The following PSD3 variants were observed in gnomAD, a reference collection of about 807,000 sequenced individuals.
PSD3 encodes pleckstrin and Sec7 domain containing 3, also known as PH and SEC7 domain-containing protein 3.
A neutral mutation model predicts 105.5 loss-of-function variants in PSD3; 49 were observed. That is an observed-to-expected ratio of 0.46 (90% confidence interval 0.37 to 0.59). The LOEUF (loss-of-function observed/expected upper bound fraction) is 0.59, where lower values mean the gene tolerates loss of function less well. Ranked by LOEUF, PSD3 falls within the 20% of genes least tolerant of loss-of-function variation. The pLI, the probability that PSD3 is intolerant of heterozygous loss-of-function variation, is 0.00. For missense variants in PSD3, 1,561 were observed against 1,263.8 expected, an observed-to-expected ratio of 1.24 and a Z score of -3.57; for synonymous variants, 557 against 457.8, an observed-to-expected ratio of 1.22 and a Z score of -2.77.
At chr8:18,697,518 A>C (rs141008129) in intron 9 of PSD3, among the ~76,000 whole-genome samples, 81 of 152,336 alleles carry the variant, frequency 5.3e-4, no homozygotes, top group African/African-American at 1.9e-3. Context: ...TGATTCACTA[A>C]AACATTTCGT....
At chr8:18,572,239 G>C (rs939204787) in intron 14 of PSD3, among the ~76,000 whole-genome samples, 2 of 152,172 alleles carry the variant, frequency 1.3e-5, no homozygotes, top group Non-Finnish European at 2.9e-5. Flanking sequence ...TTATGAGCTG[G>C]CAGTTAAAAC....
At chr8:18,623,448 C>CAAAAAAAAAA (rs1415289898) in intron 11 of PSD3, among the ~76,000 whole-genome samples, 9 of 67,420 alleles carry the variant, frequency 1.3e-4, no homozygotes, top group Admixed American at 1.8e-4. Flanking sequence ...CCCGTCTCCC[C>CAAAAAAAAAA]AAAAAAAAAA....
In PSD3 at chr8:19,006,675, C is replaced by T. The variant is rs753984750; in HGVS notation, c.21+6888G>A. On this transcript the variant is annotated intron_variant, in intron 1 of 15. Coordinates refer to ENST00000327040, the MANE Select transcript of PSD3 (RefSeq NM_015310.4). ...AAGACCTTTTTCCTCTGTTCCACTGCCTTATTAGAATGTTCCTTATTTCTA... is the reference window on the plus strand; with the variant it reads ...AAGACCTTTTTCCTCTGTTCCACTGTCTTATTAGAATGTTCCTTATTTCTA... Among the ~76,000 whole-genome samples, 17 of 152,002 alleles carry T rather than the reference C, an allele frequency of 1.1e-4. 1 individual carries two copies. The highest frequency in any genetic ancestry group is 2.2e-4 in the Non-Finnish European group (15 of 67,960).
At chr8:18,986,814 G>A (rs775867024) in intron 1 of PSD3, among the ~76,000 whole-genome samples, 1 of 152,162 alleles carries the variant, frequency 6.6e-6, no homozygotes, top group Non-Finnish European at 1.5e-5. Flanking sequence ...AGAGCCAGCA[G>A]TGGGCAGATA....
chr8:18,817,607 A>G lies in PSD3; in HGVS notation c.1635-12709T>C, dbSNP rs372449874. Among the ~76,000 whole-genome samples the G allele has an allele frequency of 3.9e-5, 6 of 152,256 alleles. No individual in the cohort carries two copies. The East Asian group carries it at 1.2e-3, about 29-fold the overall frequency. ...ACTGTGTACTCGTCTCAATGCAGCT[A>G]TCAACTTGAGTAGAAGATGCCCAAA... On this transcript the variant is annotated intron_variant, in intron 4 of 15. Transcript: ENST00000327040.
chr8:18,971,998 G>T (rs1193334050), intron 1 of PSD3, among the ~76,000 whole-genome samples: 1 of 151,804 alleles, frequency 6.6e-6, no homozygotes, highest in Non-Finnish European at 1.5e-5. Flanking sequence ...CAGCAAGACT[G>T]TCAAAAAAAA....
At chr8:19,004,863 G>A (rs1826578262) in intron 1 of PSD3, among the ~76,000 whole-genome samples, 1 of 151,998 alleles carries the variant, frequency 6.6e-6, no homozygotes, top group Non-Finnish European at 1.5e-5. Flanking sequence ...CACACAAGCT[G>A]TCTCTTTGCC....
intron 1 of PSD3, among the ~76,000 whole-genome samples, chr8:19,062,053 G>A (rs1828918901): frequency 1.3e-5 from 2 of 152,088 alleles, no homozygotes; most frequent in Non-Finnish European, 2.9e-5. Flanking sequence ...ACTCTTTGAG[G>A]CCATTCTTCA....
At chr8:18,645,338 A>C (rs1485477448) in intron 10 of PSD3, among the ~76,000 whole-genome samples, 1 of 152,238 alleles carries the variant, frequency 6.6e-6, no homozygotes, top group East Asian at 1.9e-4. Flanking sequence ...TTTTTAATTT[A>C]AAAATACTTT....
intron 9 of PSD3, among the ~76,000 whole-genome samples, chr8:18,695,274 A>G (rs141344835): frequency 0.039 from 1,183 of 30,616 alleles, 12 homozygotes; most frequent in Middle Eastern, 0.26. Context: ...TCTCAGAGGA[A>G]ACTGCAGACA....
At chr8:19,074,737 C>G (rs1426589070) in intron 1 of PSD3, among the ~76,000 whole-genome samples, 1 of 149,710 alleles carries the variant, frequency 6.7e-6, no homozygotes, top group East Asian at 2.0e-4. Context: ...TCTCCTGCCT[C>G]AGCCTCCCGA....
At chr8:18,642,136 A>C (rs1327246245) in intron 10 of PSD3, among the ~76,000 whole-genome samples, 1 of 152,190 alleles carries the variant, frequency 6.6e-6, no homozygotes, top group Non-Finnish European at 1.5e-5. Flanking sequence ...AAAGGATCTG[A>C]CCATATGTAC....
intron 4 of PSD3, among the ~76,000 whole-genome samples, chr8:18,831,757 A>G (rs141504355): frequency 7.2e-5 from 11 of 152,252 alleles, no homozygotes; most frequent in African/African-American, 2.6e-4. Context: ...AAACAAACAA[A>G]CACGACATCA....
At chr8:19,071,418 G>C (rs1563544288) in intron 1 of PSD3, among the ~76,000 whole-genome samples, 2 of 152,020 alleles carry the variant, frequency 1.3e-5, no homozygotes, top group African/African-American at 4.8e-5. Flanking sequence ...CTTTCTTCCT[G>C]CCTAACCCTC....
intron 11 of PSD3, among the ~76,000 whole-genome samples, chr8:18,617,637 G>A (rs978865494): frequency 6.6e-6 from 1 of 151,924 alleles, no homozygotes; most frequent in African/African-American, 2.4e-5. Context: ...TTGGTGAAGG[G>A]GATTCCAAAG....
intron 1 of PSD3, among the ~76,000 whole-genome samples, chr8:19,010,105 A>G (rs1221550083): frequency 1.2e-4 from 19 of 152,218 alleles, no homozygotes; most frequent in Admixed American, 1.2e-3. Context: ...ACTGATGTAC[A>G]CTCAGAGGAA....
chr8:18,579,821 C>T (rs1274016714), intron 12 of PSD3, among the ~76,000 whole-genome samples: 1 of 152,102 alleles, frequency 6.6e-6, no homozygotes, highest in African/African-American at 2.4e-5. Context: ...CTCCAGTTTT[C>T]AATGTACTAT....
chr8:18,633,443 T>C (rs1166664777), intron 10 of PSD3, among the ~76,000 whole-genome samples: 1 of 152,100 alleles, frequency 6.6e-6, no homozygotes, highest in Non-Finnish European at 1.5e-5. Context: ...CCAACATCTA[T>C]TGTTCCCATC....
chr8:18,902,966 T>C (rs1819603600), intron 2 of PSD3, among the ~76,000 whole-genome samples: 1 of 152,216 alleles, frequency 6.6e-6, no homozygotes, highest in African/African-American at 2.4e-5. Context: ...GTAACAGCAC[T>C]GAGTTGCTTG....
Sources: allele counts gnomAD v4.1 joint callset (sites outside exome capture counted in the v4.1 genomes callset), GRCh38; gene constraint gnomAD v4.1.1; transcripts MANE v1.5; gene names NCBI Gene and HGNC (gene_info 2026-07-23, HGNC 2026-07-21).